Variants in ACE observed in about 807,000 individuals in gnomAD.
The protein encoded by ACE is angiotensin I converting enzyme, also known as angiotensin-converting enzyme.
Under a neutral mutation model 162.3 loss-of-function variants are expected in ACE, and 122 were observed. The ratio of observed to expected loss-of-function variants is 0.75; its 90% CI spans 0.65 to 0.87. The LOEUF (loss-of-function observed/expected upper bound fraction) is 0.87, where lower values mean the gene tolerates loss of function less well. Among genes scored for constraint, ACE ranks in the 40% least tolerant of loss-of-function variants. The pLI, the probability that ACE is intolerant of heterozygous loss-of-function variation, is 0.00. For missense variants in ACE, 1,799 were observed against 1,735.1 expected (o/e 1.04, Z -0.65); for synonymous variants, 796 against 720.6 (o/e 1.10, Z -1.68).
Position 63,497,199 on chromosome 17 carries a change from G to T in ACE, c.3754G>T (p.Ala1252Ser). Residue 1252 changes from alanine to serine, a missense_variant, in exon 25 of 25, where the codon GCG (alanine) becomes TCG (serine). Transcript: ENST00000290866. ...RVSFLGLDLD[A>S]QQARVGQWLL... ...CAGCTTCCTGGGCCTGGACCTGGAT[G>T]CGCAGCAGGCCCGCGTGGGCCAGTG... The T allele has an allele frequency of 6.2e-7, 1 of 1,602,366 alleles. No individual in the cohort carries two copies. The highest frequency in any genetic ancestry group is 8.5e-7 in the Non-Finnish European group (1 of 1,178,432).
At position 63,491,143 on chromosome 17, in the gene ACE, T is replaced by A; in HGVS notation, c.2740-66T>A. 1 of 1,611,118 alleles carries A rather than the reference T, an allele frequency of 6.2e-7. No homozygotes were observed. The highest frequency in any genetic ancestry group is 1.7e-5 in the Admixed American group (1 of 60,008). Reference sequence around the variant, plus strand: ...CCTCCAGTTTAGCCCTCCCCCGGGATCCCCACGGCAGCACGCAGTCTGTCC... The same window carrying A: ...CCTCCAGTTTAGCCCTCCCCCGGGAACCCCACGGCAGCACGCAGTCTGTCC... On this transcript the variant is annotated intron_variant, in intron 18 of 24. Transcript: ENST00000290866. This position sits in a 1 kb window ranked among gnomAD's most constrained non-coding sequence, Gnocchi z 4.4.
In ACE at chr17:63,491,414, G is replaced by C. The variant is rs368427272; in HGVS notation, c.2912+33G>C. Reference sequence around the variant, plus strand: ...CAGCTAGGGCTCAGGTCTCGTTCCTGAGCCCCACGGGCAAGGGAAATGAAC... The same window carrying C: ...CAGCTAGGGCTCAGGTCTCGTTCCTCAGCCCCACGGGCAAGGGAAATGAAC... On this transcript the variant is annotated intron_variant, in intron 19 of 24. Transcript: ENST00000290866. This position sits in a 1 kb window ranked among gnomAD's most constrained non-coding sequence, Gnocchi z 4.4. 10 of 1,613,636 alleles carry C rather than the reference G, an allele frequency of 6.2e-6. No individual in the cohort carries two copies. Among genetic ancestry groups the C allele is most frequent in the Non-Finnish European group, 8.5e-6 (10 of 1,179,898 alleles).
At position 63,481,555 on chromosome 17, in the gene ACE, C is replaced by A. The variant is rs1275911689; in HGVS notation, c.946-11C>A. The A allele has an allele frequency of 6.2e-7, 1 of 1,613,542 alleles. No homozygotes were observed. Among genetic ancestry groups the A allele is most frequent in the African/African-American group, 1.3e-5 (1 of 75,054 alleles). ...GGCTCCCCCTGACCTGGCTCCACAC[C>A]CCTCCTCCAGGGCTGGAACGCCACG... On this transcript the variant is annotated splice_polypyrimidine_tract_variant and intron_variant, in intron 6 of 24. Coordinates refer to ENST00000290866, the MANE Select transcript of ACE (RefSeq NM_000789.4).
At chr17:63,483,265 T>C in intron 9 of ACE, 92 bp downstream of exon 9, 2 of 1,600,268 alleles carry the variant, frequency 1.2e-6, no homozygotes, top group African/African-American at 1.3e-5. Flanking sequence ...AGTTCTAGCC[T>C]CTCCTCTCTA....
intron 7 of ACE, among the ~76,000 whole-genome samples, 185 bp from the exon 8 acceptor site, chr17:63,482,279 CAA>C (rs1336625046): frequency 1.3e-5 from 2 of 150,316 alleles, no homozygotes; most frequent in Non-Finnish European, 3.0e-5. Context: ...CCAGCCTGTG[CAA>C]AAGAGTGAGA....
At position 63,484,379 on chromosome 17, in the gene ACE, G is replaced by A. The variant is rs1182072433; in HGVS notation, c.1759G>A (p.Asp587Asn). The change falls in exon 12 of 25, where the codon GAC becomes AAC. Residue 587 changes from aspartate (D) to asparagine (N), a missense_variant. Physicochemically the swap from Asp to Asn is conservative, Grantham distance 23. Transcript: ENST00000290866. The surrounding 1 kb of genome is among the most constrained non-coding windows in gnomAD (Gnocchi z 4.0). ...SSRPWQEVLK[D>N]MVGLDALDAQ... ...CAGGCCCTGGCAGGAGGTGCTGAAG[G>A]ACATGGTCGGCTTAGATGCCCTGGA... 1 of 1,611,902 alleles carries A rather than the reference G, an allele frequency of 6.2e-7. No individual in the cohort carries two copies. The highest frequency in any genetic ancestry group is 2.2e-5 in the East Asian group (1 of 44,874).
chr17:63,497,399 C>A lies in ACE; in HGVS notation c.*33C>A. 1 of 1,530,540 alleles carries A rather than the reference C, an allele frequency of 6.5e-7. No homozygotes were observed. The allele number at this position is 1,530,540 out of a possible 1,614,324, so 94.8% of individuals were successfully genotyped here. ...CGGCTGGGTCGGCCCTGCCCAAGGG[C>A]CTCCCACCAGAGACTGGGATGGGAA... On this transcript the variant is annotated 3_prime_UTR_variant, in exon 25 of 25. Transcript: ENST00000290866.
chr17:63,495,984 C>G (rs892469060), intron 22 of ACE, among the ~76,000 whole-genome samples: 13 of 152,210 alleles, frequency 8.5e-5, no homozygotes, highest in African/African-American at 3.1e-4. Context: ...TCATGTAGGA[C>G]TGGCTTCCCT....
chr17:63,487,694 A>G (rs2030054530), intron 15 of ACE, among the ~76,000 whole-genome samples: 1 of 151,884 alleles, frequency 6.6e-6, no homozygotes, highest in African/African-American at 2.4e-5. Context: ...CCCCCGACAC[A>G]AGGACCCGCA....
intron 5 of ACE, among the ~76,000 whole-genome samples, chr17:63,480,748 A>G (rs2049693376): frequency 6.6e-6 from 1 of 152,156 alleles, no homozygotes; most frequent in Non-Finnish European, 1.5e-5. Context: ...GTGGTCAGAG[A>G]GCTAGGGGCC....
In ACE at chr17:63,491,380, C is replaced by T. The variant is rs769406157; in HGVS notation, c.2911C>T (p.Arg971Trp). 14 of 1,613,982 alleles carry T rather than the reference C, an allele frequency of 8.7e-6. No homozygotes were observed. The highest frequency in any genetic ancestry group is 4.4e-5 in the South Asian group (4 of 91,084). ...GGACTTCTACAACGGCAAGGACTTC[C>T]GGTACATCCAGCTAGGGCTCAGGTC... ...AWDFYNGKDFRIKQCTTVNLE... is the reference protein window; with the variant it reads ...AWDFYNGKDFWIKQCTTVNLE... Residue 971 changes from arginine to tryptophan, a missense_variant and splice_region_variant, in exon 19 of 25, where the codon CGG (arginine) becomes TGG (tryptophan). By Grantham distance (101) the Arg-to-Trp change is moderately radical (BLOSUM62 -3). Coordinates refer to ENST00000290866, the MANE Select transcript of ACE (RefSeq NM_000789.4). The surrounding 1 kb of genome is among the most constrained non-coding windows in gnomAD (Gnocchi z 4.4).
intron 22 of ACE, 73 bp downstream of exon 22, chr17:63,494,543 C>T: frequency 1.5e-6 from 2 of 1,358,736 alleles, no homozygotes; most frequent in Non-Finnish European, 2.1e-6. Context: ...GCGGCCACTG[C>T]CCGGTCCACA....
chr17:63,497,063 A>G, intron 24 of ACE, 74 bp from the exon 25 acceptor site: 1 of 1,581,062 alleles, frequency 6.3e-7, no homozygotes, highest in East Asian at 2.3e-5. Context: ...CTGACCTCGG[A>G]GCCTGGCCCT....
chr17:63,491,753 C>T lies in ACE; in HGVS notation c.2912+372C>T, dbSNP rs2030399775. Among the ~76,000 whole-genome samples the T allele has an allele frequency of 1.3e-5, 2 of 152,178 alleles. No individual in the cohort carries two copies. The highest frequency in any genetic ancestry group is 1.3e-4 in the Admixed American group (2 of 15,280). On this transcript the variant is annotated intron_variant, in intron 19 of 24. Coordinates refer to ENST00000290866, the MANE Select transcript of ACE (RefSeq NM_000789.4). The surrounding 1 kb of genome is among the most constrained non-coding windows in gnomAD (Gnocchi z 4.4). Reference sequence around the variant, plus strand: ...GAGGCACACGAGGATGTTGGGTGCTCTGTACAGATCCACTCTCACCCCTGA... The same window carrying T: ...GAGGCACACGAGGATGTTGGGTGCTTTGTACAGATCCACTCTCACCCCTGA...
In ACE at chr17:63,479,118, C is replaced by A. The variant is rs1568035942; in HGVS notation, c.511+18C>A. The A allele has an allele frequency of 6.3e-7, 1 of 1,594,660 alleles. No individual in the cohort carries two copies. Among genetic ancestry groups the A allele is most frequent in the South Asian group, 1.1e-5 (1 of 88,844 alleles). The stretch of plus-strand genomic sequence containing the variant: ...GGACCCAGGTACGGCCCTTGCAGCT[C>A]CCCTCTCGGCGGTGCCCTAGTGTTC... On this transcript the variant is annotated intron_variant, in intron 3 of 24. Coordinates refer to ENST00000290866, the MANE Select transcript of ACE (RefSeq NM_000789.4).
Position 63,497,590 on chromosome 17 carries a change from G to C in ACE, c.*224G>C, listed in dbSNP as rs2030851442. On this transcript the variant is annotated 3_prime_UTR_variant, in exon 25 of 25. Coordinates refer to ENST00000290866, the MANE Select transcript of ACE (RefSeq NM_000789.4). ...GAGCCCCACCTCTCCAAGTCTCTCTGTGAATACAATTAAAGGTCCTGCCCT... is the reference window on the plus strand; with the variant it reads ...GAGCCCCACCTCTCCAAGTCTCTCTCTGAATACAATTAAAGGTCCTGCCCT... 1 of 700,966 alleles carries C rather than the reference G, an allele frequency of 1.4e-6. No individual in the cohort carries two copies. Among genetic ancestry groups the C allele is most frequent in the East Asian group, 2.7e-5 (1 of 37,168 alleles). The allele number at this position is 700,966 out of a possible 1,614,324, so 43.4% of individuals were successfully genotyped here. A position where few individuals can be genotyped will look rare whatever the true frequency, so the allele number is the denominator to read the frequency against.
intron 17 of ACE, 126 bp from the exon 18 acceptor site, chr17:63,490,828 A>G: frequency 2.3e-6 from 2 of 886,312 alleles, no homozygotes; most frequent in Non-Finnish European, 3.8e-6. Flanking sequence ...TGCAAACAGT[A>G]GGTGCTCAAG....
At chr17:63,480,807 C>T (rs1200499894) in intron 5 of ACE, among the ~76,000 whole-genome samples, 1 of 152,250 alleles carries the variant, frequency 6.6e-6, no homozygotes, top group African/African-American at 2.4e-5. Flanking sequence ...ATCAGCCTAG[C>T]TCATGCCCAA....
rs755556171 is a variant in ACE at position 63,496,505 on chromosome 17, G to A, written c.3492G>A (p.Gly1164=). 6.2e-7 allele frequency: 1 copy of A among 1,614,126 alleles called. No individual in the cohort carries two copies. The highest frequency in any genetic ancestry group is 8.5e-7 in the Non-Finnish European group (1 of 1,180,038). ...KCDIYQSKEA[G]QRLATAMKLG... is the part of the protein sequence containing the mutation. ...ACATCTACCAGTCCAAGGAGGCCGG[G>A]CAGCGCCTGGCGTGAGTGTCCTCCA... The change falls in exon 23 of 25, where the codon GGG becomes GGA. Residue 1164 remains glycine (G), a synonymous_variant. Transcript: ENST00000290866.
Sources: gnomAD v4.1 joint callset for allele counts (sites outside exome capture counted in the v4.1 genomes callset) on GRCh38, gnomAD v4.1.1 for gene constraint, Gnocchi (gnomAD v3.1) non-coding constraint, MANE v1.5 for transcripts, NCBI Gene and HGNC (gene_info 2026-07-23, HGNC 2026-07-21) for gene names.